Variants in NRIP1 observed in about 807,000 individuals in gnomAD.
NRIP1 encodes the protein nuclear receptor-interacting protein 1.
In NRIP1, 28 loss-of-function variants were observed where a neutral mutation model predicts 75.0. That is an observed-to-expected ratio of 0.37 (90% CI 0.28 to 0.51). The LOEUF (loss-of-function observed/expected upper bound fraction) is 0.51. Among genes scored for constraint, NRIP1 ranks in the 20% least tolerant of loss-of-function variants. NRIP1 has a pLI of 0.92. For missense variants in NRIP1, 1,435 were observed against 1,343.7 expected, an observed-to-expected ratio of 1.07 and a Z score of -1.06; for synonymous variants, 526 against 487.6, an observed-to-expected ratio of 1.08 and a Z score of -1.04.
At chr21:14,986,585 T>C (rs1449452692) in intron 3 of NRIP1, among the ~76,000 whole-genome samples, 1 of 152,210 alleles carries the variant, frequency 6.6e-6, no homozygotes, top group Non-Finnish European at 1.5e-5. Flanking sequence ...AAGATCTCAC[T>C]TTGCTGTGAA....
intron 2 of NRIP1, among the ~76,000 whole-genome samples, chr21:15,017,718 C>T (rs566729840): frequency 2.6e-5 from 4 of 152,296 alleles, no homozygotes; most frequent in African/African-American, 7.2e-5. Flanking sequence ...TTCCCTACTA[C>T]TGTTCATCTA....
At chr21:14,971,753 C>T (rs2086907437) in intron 3 of NRIP1, among the ~76,000 whole-genome samples, 1 of 152,014 alleles carries the variant, frequency 6.6e-6, no homozygotes, top group East Asian at 1.9e-4. Flanking sequence ...ATAAAACAAA[C>T]ATTTTTAGTT....
Position 14,961,419 on chromosome 21 carries a change from T to C in NRIP1, c.*3297A>G, listed in dbSNP as rs1413976062. The C allele has an allele frequency of 3.9e-5, 6 of 152,478 alleles. No individual in the cohort carries two copies. Among genetic ancestry groups the C allele is most frequent in the Non-Finnish European group, 5.9e-5 (4 of 67,926 alleles). The allele number at this position is 152,478 out of a possible 1,614,324, so 9.4% of individuals were successfully genotyped here. On this transcript the variant is annotated 3_prime_UTR_variant, in exon 4 of 4. Coordinates refer to ENST00000318948, the MANE Select transcript of NRIP1 (RefSeq NM_003489.4). ...GCAGATCGCATCAAATTTGGTTGTGTAAACACCAGAATTCTTACTATGAAT... is the reference window on the plus strand; with the variant it reads ...GCAGATCGCATCAAATTTGGTTGTGCAAACACCAGAATTCTTACTATGAAT...
intron 3 of NRIP1, among the ~76,000 whole-genome samples, chr21:15,009,725 C>T (rs2088057101): frequency 6.6e-6 from 1 of 152,050 alleles, no homozygotes. Flanking sequence ...CCAGTAATGA[C>T]AAACTTTTAT....
intron 3 of NRIP1, among the ~76,000 whole-genome samples, chr21:15,007,342 G>T (rs978192600): frequency 6.6e-6 from 1 of 152,112 alleles, no homozygotes; most frequent in Non-Finnish European, 1.5e-5. Context: ...AACAATGAAG[G>T]CTGCTTTGAA....
At chr21:15,036,799 T>C (rs543008469) in intron 2 of NRIP1, among the ~76,000 whole-genome samples, 2 of 152,288 alleles carry the variant, frequency 1.3e-5, no homozygotes, top group East Asian at 3.9e-4. Flanking sequence ...GGGTTTATCT[T>C]GAAGAAATTT....
chr21:15,029,915 C>G (rs2088606137), intron 2 of NRIP1, among the ~76,000 whole-genome samples: 1 of 152,198 alleles, frequency 6.6e-6, no homozygotes, highest in Non-Finnish European at 1.5e-5. Flanking sequence ...ATATCCTCAC[C>G]AGCTGTGACA....
chr21:15,016,928 GAGAA>G (rs932362877), intron 2 of NRIP1, among the ~76,000 whole-genome samples: 15 of 144,900 alleles, frequency 1.0e-4, no homozygotes, highest in Middle Eastern at 3.5e-3. Flanking sequence ...GAGAGAGAGA[GAGAA>G]AGAAAGAAAG....
chr21:14,964,876 T>C lies in NRIP1; in HGVS notation c.3317A>G (p.Glu1106Gly), dbSNP rs768926553. The change falls in exon 4 of 4, where the codon GAA becomes GGA. Residue 1106 changes from glutamate to glycine, a missense_variant. Glu to Gly is a moderately conservative substitution (Grantham distance 98, BLOSUM62 -2). Transcript: ENST00000318948. ...AESVSQVTAKEELLPTAETKA... is the reference protein window; with the variant it reads ...AESVSQVTAKGELLPTAETKA... The stretch of plus-strand genomic sequence containing the variant: ...CGTTTCTGCAGTAGGAAGTAACTCT[T>C]CTTTGGCTGTGACCTGTGAGACACT... 3 of 1,613,314 alleles carry C rather than the reference T, an allele frequency of 1.9e-6. No homozygotes were observed. Among genetic ancestry groups the C allele is most frequent in the Non-Finnish European group, 2.5e-6 (3 of 1,179,714 alleles).
Position 14,963,916 on chromosome 21 carries a change from A to G in NRIP1, c.*800T>C, listed in dbSNP as rs2086653789. ...TTAAAAACAATTTCTTAAATATTCA[A>G]CTTTTCAGGAAACCACCTAAAGATA... On this transcript the variant is annotated 3_prime_UTR_variant, in exon 4 of 4. Transcript: ENST00000318948. The G allele has an allele frequency of 1.3e-5, 2 of 152,592 alleles. No individual in the cohort carries two copies. Among genetic ancestry groups the G allele is most frequent in the South Asian group, 4.1e-4 (2 of 4,832 alleles). The allele number at this position is 152,592 out of a possible 1,614,324, so 9.5% of individuals were successfully genotyped here.
intron 3 of NRIP1, among the ~76,000 whole-genome samples, chr21:14,976,432 G>A (rs1396143275): frequency 2.0e-5 from 3 of 151,998 alleles, no homozygotes; most frequent in African/African-American, 2.4e-5. Context: ...ATTTTAAAAA[G>A]AGCTACATTT....
At chr21:14,969,096 C>A (rs2086837282) in intron 3 of NRIP1, among the ~76,000 whole-genome samples, 1 of 152,174 alleles carries the variant, frequency 6.6e-6, no homozygotes, top group Non-Finnish European at 1.5e-5. Context: ...AAAAATGAAA[C>A]CACTAACAAG....
chr21:15,049,539 G>A (rs1233657355), intron 1 of NRIP1, among the ~76,000 whole-genome samples: 2 of 152,038 alleles, frequency 1.3e-5, no homozygotes, highest in Non-Finnish European at 2.9e-5. Context: ...GGAGAAAAGA[G>A]AAGGAACTCA....
chr21:15,051,217 T>TC (rs1402442305), intron 1 of NRIP1: 2 of 250,616 alleles, frequency 8.0e-6, no homozygotes, highest in African/African-American at 4.5e-5. Context: ...CCTGAGCCCC[T>TC]CCTGGGTCTC....
intron 3 of NRIP1, among the ~76,000 whole-genome samples, chr21:14,994,962 T>G (rs1053241902): frequency 1.3e-5 from 2 of 152,240 alleles, no homozygotes; most frequent in African/African-American, 2.4e-5. Context: ...GCCTTGTATT[T>G]TATCAGTACT....
intron 3 of NRIP1, among the ~76,000 whole-genome samples, chr21:15,006,027 T>A (rs527584599): frequency 7.6e-4 from 116 of 151,704 alleles, no homozygotes; most frequent in South Asian, 3.5e-3. Context: ...TTTTCATTTT[T>A]AAAAAAAAAT....
chr21:14,984,849 T>C (rs2087349914), intron 3 of NRIP1, among the ~76,000 whole-genome samples: 2 of 152,244 alleles, frequency 1.3e-5, no homozygotes, highest in African/African-American at 4.8e-5. Flanking sequence ...AAGATTATAG[T>C]TCTCTGAAGG....
intron 3 of NRIP1, among the ~76,000 whole-genome samples, chr21:15,010,000 G>A (rs1046031183): frequency 6.6e-6 from 1 of 152,112 alleles, no homozygotes; most frequent in Admixed American, 6.5e-5. Flanking sequence ...AGAGAGGGGC[G>A]GCAACAGCAG....
intron 3 of NRIP1, among the ~76,000 whole-genome samples, chr21:14,974,599 T>C (rs2086997924): frequency 6.6e-6 from 1 of 152,136 alleles, no homozygotes; most frequent in African/African-American, 2.4e-5. Flanking sequence ...AAATTTGGTG[T>C]TCCAAAAATC....
Sources: gnomAD v4.1 joint callset for allele counts (sites outside exome capture counted in the v4.1 genomes callset) on GRCh38, gnomAD v4.1.1 for gene constraint, MANE v1.5 for transcripts, NCBI Gene and HGNC (gene_info 2026-07-23, HGNC 2026-07-21) for gene names.